The following TMEM178B variants were observed in gnomAD, a reference collection of about 807,000 sequenced individuals.
TMEM178B encodes the protein transmembrane protein 178B.
TMEM178B carries 5 observed loss-of-function variants against 31.0 expected under a neutral mutation model. The ratio of observed to expected loss-of-function variants is 0.16; its 90% CI spans 0.08 to 0.34. TMEM178B has a LOEUF of 0.34. Among genes scored for constraint, TMEM178B ranks in the 10% least tolerant of loss-of-function variants. TMEM178B has a pLI of 1.00. For synonymous variants in TMEM178B, 164 were observed against 164.0 expected, an observed-to-expected ratio of 1.00 and a Z score of 0.00; for missense variants, 275 against 400.3, an observed-to-expected ratio of 0.69 and a Z score of 2.67.
intron 2 of TMEM178B, among the ~76,000 whole-genome samples, chr7:141,273,809 G>A (rs1016768872): frequency 1.3e-5 from 2 of 152,162 alleles, no homozygotes; most frequent in African/African-American, 4.8e-5. Context: ...ACCACTTTTG[G>A]TCCTGATCTC....
At chr7:141,082,746 G>A (rs1794706521) in intron 1 of TMEM178B, among the ~76,000 whole-genome samples, 2 of 152,186 alleles carry the variant, frequency 1.3e-5, no homozygotes, top group South Asian at 4.2e-4. Context: ...TGTCCTAAGG[G>A]AGCTTACACT....
chr7:141,240,909 C>T (rs528485582), intron 2 of TMEM178B, among the ~76,000 whole-genome samples: 55 of 151,850 alleles, frequency 3.6e-4, no homozygotes, highest in African/African-American at 1.1e-3. Flanking sequence ...CACTTCTGGA[C>T]TTCCTGCCTT....
chr7:141,344,786 A>G lies in TMEM178B; in HGVS notation c.497-92822A>G, dbSNP rs1799589499. Among the ~76,000 whole-genome samples the G allele has an allele frequency of 6.6e-6, 1 of 152,160 alleles. No homozygotes were observed. The highest frequency in any genetic ancestry group is 2.4e-5 in the African/African-American group (1 of 41,430). ...TTGAATACTACTGGGGCTTGTAAAG[A>G]TTTCAAACTTTTGGAACTCAGAACG... On this transcript the variant is annotated intron_variant, in intron 2 of 3. Transcript: ENST00000565468. This position sits in a 1 kb window ranked among gnomAD's most constrained non-coding sequence, Gnocchi z 4.1.
At chr7:141,451,521 T>G (rs1801862508) in intron 3 of TMEM178B, among the ~76,000 whole-genome samples, 2 of 152,202 alleles carry the variant, frequency 1.3e-5, no homozygotes, top group Non-Finnish European at 2.9e-5. Flanking sequence ...CTTTTAATTA[T>G]GCAGCACTGT....
intron 2 of TMEM178B, among the ~76,000 whole-genome samples, chr7:141,354,859 C>G (rs1296708749): frequency 1.3e-5 from 2 of 152,318 alleles, no homozygotes; most frequent in East Asian, 3.9e-4. Flanking sequence ...CCTCAGGACT[C>G]CAGTGTCTTC....
chr7:141,227,187 A>G (rs968436708), intron 2 of TMEM178B, among the ~76,000 whole-genome samples: 1 of 152,220 alleles, frequency 6.6e-6, no homozygotes, highest in Non-Finnish European at 1.5e-5. Flanking sequence ...GAAGTGTGGT[A>G]AACAAAATGC....
At chr7:141,408,198 A>G (rs1800919270) in intron 2 of TMEM178B, among the ~76,000 whole-genome samples, 1 of 151,538 alleles carries the variant, frequency 6.6e-6, no homozygotes, top group African/African-American at 2.4e-5. Flanking sequence ...AAAAAAGGTG[A>G]ACCTATAATC....
At chr7:141,130,419 A>G (rs1422349075) in intron 1 of TMEM178B, among the ~76,000 whole-genome samples, 2 of 152,152 alleles carry the variant, frequency 1.3e-5, no homozygotes, top group African/African-American at 2.4e-5. Context: ...TATAAATGTA[A>G]TTGTATAGTA....
chr7:141,128,411 G>A (rs997129328), intron 1 of TMEM178B, among the ~76,000 whole-genome samples: 1 of 151,936 alleles, frequency 6.6e-6, no homozygotes, highest in Non-Finnish European at 1.5e-5. Context: ...GACTTATTTG[G>A]CAAGGCAAAA....
At chr7:141,358,376 CCA>C (rs1799858371) in intron 2 of TMEM178B, among the ~76,000 whole-genome samples, 1 of 152,144 alleles carries the variant, frequency 6.6e-6, no homozygotes, top group Non-Finnish European at 1.5e-5. Context: ...GTTCCTCTCC[CCA>C]CACAGTTTCA....
intron 2 of TMEM178B, among the ~76,000 whole-genome samples, chr7:141,415,775 T>C (rs1478169262): frequency 6.6e-6 from 1 of 152,114 alleles, no homozygotes; most frequent in Non-Finnish European, 1.5e-5. Flanking sequence ...GAAACTGGGT[T>C]TTAGAAGTTC....
chr7:141,198,606 G>C (rs1186790297), intron 1 of TMEM178B, among the ~76,000 whole-genome samples: 1 of 152,178 alleles, frequency 6.6e-6, no homozygotes, highest in Non-Finnish European at 1.5e-5. Flanking sequence ...AAAAGTGCCA[G>C]ACTGGCCTCC....
the TMEM178B span, among the ~76,000 whole-genome samples, chr7:141,487,122 A>G: frequency 1.3e-5 from 2 of 152,122 alleles, no homozygotes; most frequent in African/African-American, 2.4e-5. Context: ...CTGTTTACAC[A>G]AACTGTGGGA....
chr7:141,290,249 A>G (rs1798522630), intron 2 of TMEM178B, among the ~76,000 whole-genome samples: 1 of 152,200 alleles, frequency 6.6e-6, no homozygotes, highest in South Asian at 2.1e-4. Flanking sequence ...AGTTTTTGTC[A>G]TGTGTTCACC....
chr7:141,469,519 T>C (rs920211332), intron 3 of TMEM178B, among the ~76,000 whole-genome samples: 1 of 152,170 alleles, frequency 6.6e-6, no homozygotes, highest in Admixed American at 6.5e-5. Flanking sequence ...TGAATGCACC[T>C]CCTTTTGTTC....
intron 2 of TMEM178B, chr7:141,414,775 A>T (rs1437304533): frequency 1.3e-5 from 2 of 152,268 alleles, no homozygotes; most frequent in African/African-American, 4.8e-5. Flanking sequence ...TAGTAGTAGC[A>T]TCTGCTTCAC....
chr7:141,308,689 C>T (rs142777247), intron 2 of TMEM178B, among the ~76,000 whole-genome samples: 23 of 152,248 alleles, frequency 1.5e-4, no homozygotes, highest in African/African-American at 5.3e-4. Flanking sequence ...AGAGTAGCTC[C>T]CCAAAGAACA....
At chr7:141,464,609 G>T (rs1466021648) in intron 3 of TMEM178B, among the ~76,000 whole-genome samples, 1 of 152,112 alleles carries the variant, frequency 6.6e-6, no homozygotes, top group South Asian at 2.1e-4. Context: ...TAAGGGCAGG[G>T]ATCATGTCTT....
chr7:141,197,666 T>G, intron 1 of TMEM178B, among the ~76,000 whole-genome samples: 1 of 152,208 alleles, frequency 6.6e-6, no homozygotes. Flanking sequence ...GGAGTCTCAC[T>G]GTCTTGCCTA....
Sources: gnomAD v4.1 joint callset for allele counts (sites outside exome capture counted in the v4.1 genomes callset) on GRCh38, gnomAD v4.1.1 for gene constraint, Gnocchi (gnomAD v3.1) non-coding constraint, MANE v1.5 for transcripts, NCBI Gene and HGNC (gene_info 2026-07-23, HGNC 2026-07-21) for gene names.